Variants in GNPDA2 observed in about 807,000 individuals in gnomAD.
The protein encoded by GNPDA2 is glcN6P deaminase 2.
Under a neutral mutation model 27.0 loss-of-function variants are expected in GNPDA2, and 24 were observed. The ratio of observed to expected loss-of-function variants is 0.89; its 90% CI spans 0.64 to 1.25. GNPDA2 has a LOEUF of 1.25. GNPDA2 is among the 50% of genes most tolerant of loss of function. GNPDA2 has a pLI of 0.00. For synonymous variants in GNPDA2, 94 were observed against 108.4 expected, an observed-to-expected ratio of 0.87 and a Z score of 0.83; for missense variants, 286 against 335.1, an observed-to-expected ratio of 0.85 and a Z score of 1.14.
chr4:44,711,658 G>A (rs1716986691), intron 4 of GNPDA2, among the ~76,000 whole-genome samples: 1 of 151,862 alleles, frequency 6.6e-6, no homozygotes, highest in South Asian at 2.1e-4. Context: ...AGTCCAGATA[G>A]GGCAATTAAC....
chr4:44,719,556 G>A (rs990487958), intron 2 of GNPDA2, among the ~76,000 whole-genome samples: 4 of 151,900 alleles, frequency 2.6e-5, no homozygotes, highest in African/African-American at 7.2e-5. Flanking sequence ...AAAATTTTAC[G>A]TTTCTCAACA....
At chr4:44,718,971 G>A (rs1042073835) in intron 2 of GNPDA2, among the ~76,000 whole-genome samples, 5 of 152,056 alleles carry the variant, frequency 3.3e-5, no homozygotes, top group African/African-American at 1.2e-4. Context: ...AATGTGTAAG[G>A]TGAGAAAAAG....
In GNPDA2 at chr4:44,707,789, A is replaced by G. The variant is rs753905418; in HGVS notation, c.732T>C (p.Thr244=). 3 of 1,613,350 alleles carry G rather than the reference A, an allele frequency of 1.9e-6. No individual in the cohort carries two copies. In the South Asian group the frequency reaches 3.3e-5, roughly 18 times the overall value. ...TCACAGTTTTAACTCTTAATTCTAA[A>G]GTAGCATCTTCATCGCATACAAAAA... ...RTIFVCDEDA[T]LELRVKTVKY... The change falls in exon 6 of 7, where the codon ACT becomes ACC. Residue 244 remains threonine (T), a synonymous_variant. Coordinates refer to ENST00000295448, the MANE Select transcript of GNPDA2 (RefSeq NM_138335.3).
At chr4:44,708,021 T>C (rs1199850085) in intron 5 of GNPDA2, 95 bp from the exon 6 acceptor site, 2 of 812,422 alleles carry the variant, frequency 2.5e-6, no homozygotes, top group Middle Eastern at 2.7e-4. Flanking sequence ...AATATTTTTT[T>C]CTGAGAGAAA....
At chr4:44,719,880 A>G (rs1000538203) in intron 2 of GNPDA2, among the ~76,000 whole-genome samples, 9 of 152,146 alleles carry the variant, frequency 5.9e-5, no homozygotes, top group South Asian at 2.1e-4. Context: ...ACCTACTATG[A>G]TTTATATAAA....
chr4:44,704,115 G>A (rs746505597), intron 6 of GNPDA2: 71 of 984,768 alleles, frequency 7.2e-5, no homozygotes, highest in Non-Finnish European at 8.4e-5. Context: ...CACTTTTAAG[G>A]GACAAGCAAA....
In GNPDA2 at chr4:44,702,111, G is replaced by A. The variant is rs572891372; in HGVS notation, c.*970C>T. On this transcript the variant is annotated 3_prime_UTR_variant, in exon 7 of 7. Coordinates refer to ENST00000295448, the MANE Select transcript of GNPDA2 (RefSeq NM_138335.3). The stretch of plus-strand genomic sequence containing the variant: ...ACATGTACTATAATTGTTGGGAGTC[G>A]AATGCATGTATTCTTCAGGTTCACT... 5 of 971,830 alleles carry A rather than the reference G, an allele frequency of 5.1e-6. No homozygotes were observed. The highest frequency in any genetic ancestry group is 1.8e-5 in the African/African-American group (1 of 57,008). 60.2% of individuals were successfully genotyped at this position (971,830 alleles called of 1,614,324 possible).
intron 1 of GNPDA2, among the ~76,000 whole-genome samples, chr4:44,724,369 G>A (rs1274149708): frequency 6.6e-6 from 1 of 152,162 alleles, no homozygotes; most frequent in East Asian, 1.9e-4. Context: ...TTGATATAAT[G>A]AATTATTTTC....
rs1484401598 is a variant in GNPDA2, at chr4:44,702,650, AT to A, written c.*430del. ...AGCATGTGTGTGATGCACAGAAAAT[AT>A]AAAGATTGCATTCCAAAAGTGAAGG... On this transcript the variant is annotated 3_prime_UTR_variant, in exon 7 of 7. Transcript: ENST00000295448. 2.0e-6 allele frequency: 2 copies of A among 1,014,384 alleles called. No homozygotes were observed. The highest frequency in any genetic ancestry group is 3.5e-5 in the African/African-American group (2 of 57,398). The allele number at this position is 1,014,384 out of a possible 1,614,324, so 62.8% of individuals were successfully genotyped here.
chr4:44,710,866 A>C, intron 5 of GNPDA2, 87 bp downstream of exon 5: 1 of 1,093,806 alleles, frequency 9.1e-7, no homozygotes. Flanking sequence ...ATGCAATCAA[A>C]ATATCACTTA....
chr4:44,714,259 G>A, intron 4 of GNPDA2: 2 of 977,868 alleles, frequency 2.0e-6, no homozygotes, highest in Non-Finnish European at 2.4e-6. Context: ...ATAGGTGTGA[G>A]CCACCGGATC....
intron 5 of GNPDA2, among the ~76,000 whole-genome samples, chr4:44,708,235 C>G (rs753535614): frequency 6.6e-6 from 1 of 151,876 alleles, no homozygotes; most frequent in Non-Finnish European, 1.5e-5. Context: ...GAAAAAGAAA[C>G]AAAAGGACTG....
chr4:44,710,969 AC>A lies in GNPDA2; in HGVS notation c.577del (p.Val193Ter). 1 of 1,604,800 alleles carries A rather than the reference AC, an allele frequency of 6.2e-7. No homozygotes were observed. The highest frequency in any genetic ancestry group is 1.1e-5 in the South Asian group (1 of 89,168). The part of the protein sequence containing the change: ...TMALTVGVGT[V>X]MDAREVMILI... ...AATGCTTACTTCTCTAGCATCCATC[AC>A]TGTCCCCACACCAACAGTTAGAGCC... On this transcript the variant is annotated frameshift_variant, in exon 5 of 7. Transcript: ENST00000295448. LOFTEE classifies it high-confidence loss of function.
chr4:44,720,035 C>G (rs1035733879), intron 2 of GNPDA2, among the ~76,000 whole-genome samples: 1 of 151,886 alleles, frequency 6.6e-6, no homozygotes. Flanking sequence ...TACAATCTTG[C>G]GAGTTGGAAG....
intron 1 of GNPDA2, among the ~76,000 whole-genome samples, chr4:44,722,521 C>A (rs935375035): frequency 6.6e-6 from 1 of 152,052 alleles, no homozygotes; most frequent in Non-Finnish European, 1.5e-5. Context: ...ATTCAGCCAA[C>A]CAAGAACTGA....
At chr4:44,716,605 CATATT>C (rs1344951382) in intron 4 of GNPDA2, among the ~76,000 whole-genome samples, 1 of 151,818 alleles carries the variant, frequency 6.6e-6, no homozygotes, top group African/African-American at 2.4e-5. Flanking sequence ...CAGCTTAACT[CATATT>C]AACTTAAGGC....
chr4:44,717,143 C>A lies in GNPDA2; in HGVS notation c.379G>T (p.Glu127Ter). The A allele has an allele frequency of 6.2e-7, 1 of 1,608,318 alleles. No individual in the cohort carries two copies. Among genetic ancestry groups the A allele is most frequent in the Non-Finnish European group, 8.5e-7 (1 of 1,177,644 alleles). The change falls in exon 4 of 7, where the codon GAA becomes TAA. Residue 127 changes from glutamate to a stop codon, truncating the protein, a stop_gained. Coordinates refer to ENST00000295448, the MANE Select transcript of GNPDA2 (RefSeq NM_138335.3). LOFTEE classifies it high-confidence loss of function. ...ACAAAAAGATCTATTCCTCCAGCTT[C>A]TTTTATTTTGTTTTCAAAAGCATCA... ...ECDAFENKIKEAGGIDLFVGG... is the reference protein window; with the variant it reads ...ECDAFENKIK
intron 6 of GNPDA2, chr4:44,703,765 T>C (rs905010081): frequency 9.1e-6 from 9 of 985,014 alleles, no homozygotes; most frequent in African/African-American, 1.7e-5. Context: ...TTGGTACATA[T>C]ACTTGCAGAC....
intron 5 of GNPDA2, among the ~76,000 whole-genome samples, 166 bp downstream of exon 5, chr4:44,710,787 T>C (rs1716925347): frequency 6.6e-6 from 1 of 152,198 alleles, no homozygotes; most frequent in Non-Finnish European, 1.5e-5. Context: ...AATTGATCCC[T>C]AAACATGTCA....
Sources: gnomAD v4.1 joint callset for allele counts (sites outside exome capture counted in the v4.1 genomes callset) on GRCh38, gnomAD v4.1.1 for gene constraint, MANE v1.5 for transcripts, NCBI Gene and HGNC (gene_info 2026-07-23, HGNC 2026-07-21) for gene names.